Variants in DLGAP1 observed in about 807,000 individuals in gnomAD.
DLGAP1 encodes the protein disks large-associated protein 1.
A neutral mutation model predicts 90.8 loss-of-function variants in DLGAP1; 11 were observed. The observed-to-expected ratio is 0.12, with a 90% confidence interval of 0.08 to 0.20. DLGAP1 has a LOEUF of 0.20. DLGAP1 is among the 10% of genes least tolerant of loss of function. The pLI is 1.00. For missense variants in DLGAP1, 1,050 were observed against 1,333.8 expected (o/e 0.79, Z 3.31); for synonymous variants, 558 against 540.7 (o/e 1.03, Z -0.44).
intron 2 of DLGAP1, among the ~76,000 whole-genome samples, chr18:4,101,883 TATTC>T (rs945935142): frequency 6.6e-6 from 1 of 151,896 alleles, no homozygotes; most frequent in African/African-American, 2.4e-5. Flanking sequence ...TACAGATCTA[TATTC>T]ATATATATTA....
intron 7 of DLGAP1, among the ~76,000 whole-genome samples, chr18:3,723,171 T>C (rs9959308): frequency 0.24 from 35,827 of 152,142 alleles, 7,823 homozygotes; most frequent in African/African-American, 0.58. Flanking sequence ...ACTCTGCTTT[T>C]AAAAGAGGGA....
chr18:3,810,295 A>G (rs2066768076), intron 5 of DLGAP1, among the ~76,000 whole-genome samples: 1 of 152,196 alleles, frequency 6.6e-6, no homozygotes. Context: ...ACTAACACTA[A>G]GCAGCTGATG....
Position 4,444,761 on chromosome 18 carries a change from A to C in DLGAP1, c.-267+10245T>G, listed in dbSNP as rs543710826. ...CGGTTTTTGCAGAAAAAAAATATAC[A>C]GTATGGTTAATAGCACTTACTAATT... On this transcript the variant is annotated intron_variant, in intron 1 of 12. Coordinates refer to ENST00000315677, the MANE Select transcript of DLGAP1 (RefSeq NM_004746.4). 7.0e-4 allele frequency among the ~76,000 whole-genome samples: 107 copies of C among 152,322 alleles called. 1 individual carries two copies. The highest frequency in any genetic ancestry group is 1.2e-3 in the Non-Finnish European group (85 of 68,028).
At chr18:3,828,141 T>C (rs1328540856) in intron 4 of DLGAP1, among the ~76,000 whole-genome samples, 1 of 152,180 alleles carries the variant, frequency 6.6e-6, no homozygotes, top group Non-Finnish European at 1.5e-5. Flanking sequence ...CAGACCTGCA[T>C]GTCTTTTTAA....
intron 4 of DLGAP1, among the ~76,000 whole-genome samples, chr18:3,849,264 G>A (rs928749546): frequency 6.6e-6 from 1 of 152,082 alleles, no homozygotes; most frequent in Non-Finnish European, 1.5e-5. Flanking sequence ...CTTTACTTAT[G>A]AGCAGAAGGC....
intron 9 of DLGAP1, among the ~76,000 whole-genome samples, chr18:3,560,767 G>C (rs971529350): frequency 4.6e-5 from 7 of 150,652 alleles, no homozygotes; most frequent in Middle Eastern, 3.4e-3. Flanking sequence ...TCTTATTTTT[G>C]TATTTCACAT....
At chr18:4,114,931 A>G (rs2076036517) in intron 2 of DLGAP1, among the ~76,000 whole-genome samples, 1 of 152,086 alleles carries the variant, frequency 6.6e-6, no homozygotes, top group African/African-American at 2.4e-5. Flanking sequence ...ATTGGATTGT[A>G]CATATTTAAT....
chr18:4,264,519 AC>A (rs1376623382), intron 1 of DLGAP1: 2 of 152,024 alleles, frequency 1.3e-5, no homozygotes, highest in African/African-American at 4.8e-5. Flanking sequence ...TCAACTCTAC[AC>A]TCTACCTCTG....
chr18:3,678,514 C>T (rs1004484826), intron 7 of DLGAP1, among the ~76,000 whole-genome samples: 2 of 152,086 alleles, frequency 1.3e-5, no homozygotes, highest in Non-Finnish European at 2.9e-5. Flanking sequence ...TGTGTCTTAT[C>T]TTCCTAATAG....
intron 1 of DLGAP1, among the ~76,000 whole-genome samples, chr18:4,366,150 C>G (rs2081760769): frequency 6.6e-6 from 1 of 152,142 alleles, no homozygotes; most frequent in East Asian, 1.9e-4. Flanking sequence ...TTCCATTGGT[C>G]AAAATTTCAA....
intron 4 of DLGAP1, chr18:3,822,024 G>C: frequency 5.0e-5 from 33 of 662,356 alleles, no homozygotes; most frequent in South Asian, 6.9e-5. Context: ...AGCAAAAACA[G>C]AAAAAAAAAA....
intron 1 of DLGAP1, among the ~76,000 whole-genome samples, chr18:4,366,110 A>G (rs1293583683): frequency 6.6e-6 from 1 of 152,174 alleles, no homozygotes; most frequent in Non-Finnish European, 1.5e-5. Flanking sequence ...CAGGGGCAAC[A>G]TTCTGCAATA....
intron 1 of DLGAP1, among the ~76,000 whole-genome samples, chr18:4,318,286 G>C (rs1267580812): frequency 1.3e-5 from 2 of 152,162 alleles, no homozygotes; most frequent in African/African-American, 4.8e-5. Context: ...TTCATAGCTT[G>C]AAAGAAAATT....
Position 3,656,276 on chromosome 18 carries a change from G to A in DLGAP1, c.1591+72859C>T. 5.2e-6 allele frequency: 3 copies of A among 579,430 alleles called. No homozygotes were observed. In the South Asian group the frequency reaches 8.2e-5, roughly 16 times the overall value. 35.9% of individuals were successfully genotyped at this position (579,430 alleles called of 1,614,324 possible). On this transcript the variant is annotated intron_variant, in intron 7 of 12. Coordinates refer to ENST00000315677, the MANE Select transcript of DLGAP1 (RefSeq NM_004746.4). The stretch of plus-strand genomic sequence containing the variant: ...AACTTCAAAAATAAAATAATTTTTA[G>A]TCTTAACTAGGTCTCATGGATGTCT...
chr18:4,452,626 G>GTT (rs1002723621), intron 1 of DLGAP1, among the ~76,000 whole-genome samples: 7 of 152,290 alleles, frequency 4.6e-5, no homozygotes, highest in African/African-American at 1.7e-4. Context: ...ACTACAATTA[G>GTT]TTTTAGGCTA....
chr18:4,245,788 A>C lies in DLGAP1; in HGVS notation c.-266-94501T>G, dbSNP rs554255715. ...GGCTGGGAGCATTTATATCAATGAAATGCAAAGATACTCTTTTATTCACCT... is the reference window on the plus strand; with the variant it reads ...GGCTGGGAGCATTTATATCAATGAACTGCAAAGATACTCTTTTATTCACCT... On this transcript the variant is annotated intron_variant, in intron 1 of 12. Transcript: ENST00000315677. Among the ~76,000 whole-genome samples the C allele has an allele frequency of 2.0e-5, 3 of 150,854 alleles. No individual in the cohort carries two copies. The South Asian group carries it at 6.3e-4, about 32-fold the overall frequency.
Position 3,600,991 on chromosome 18 carries a change from T to G in DLGAP1, c.1592-18743A>C, listed in dbSNP as rs1382894518. Among the ~76,000 whole-genome samples, 45 of 136,118 alleles carry G rather than the reference T, an allele frequency of 3.3e-4. 3 individuals are homozygous for G. The highest frequency in any genetic ancestry group is 1.5e-3 in the South Asian group (7 of 4,660). The allele number at this position is 136,118 out of a possible 152,430, so 89.3% of individuals were successfully genotyped here. Reference sequence around the variant, plus strand: ...ATAGATAGATATATAGATATAGATATATAGATATATAGATATAGATAGATA... The same window carrying G: ...ATAGATAGATATATAGATATAGATAGATAGATATATAGATATAGATAGATA... On this transcript the variant is annotated intron_variant, in intron 7 of 12. Coordinates refer to ENST00000315677, the MANE Select transcript of DLGAP1 (RefSeq NM_004746.4).
intron 3 of DLGAP1, among the ~76,000 whole-genome samples, chr18:3,943,451 G>GTTT (rs11453774): frequency 0.061 from 7,937 of 131,156 alleles, 410 homozygotes; most frequent in Non-Finnish European, 0.072. Context: ...GAAAGAGAGG[G>GTTT]TTTTTTTTTT....
chr18:3,845,962 A>G (rs779645528), intron 4 of DLGAP1, among the ~76,000 whole-genome samples: 1 of 152,178 alleles, frequency 6.6e-6, no homozygotes, highest in Non-Finnish European at 1.5e-5. Context: ...CGTGTTGTAG[A>G]AACCTCTTGG....
Sources: allele counts gnomAD v4.1 joint callset (sites outside exome capture counted in the v4.1 genomes callset), GRCh38; gene constraint gnomAD v4.1.1; transcripts MANE v1.5; gene names NCBI Gene and HGNC (gene_info 2026-07-23, HGNC 2026-07-21).